The following PCDHA10 variants were observed in gnomAD, a reference collection of about 807,000 sequenced individuals.
PCDHA10 encodes protocadherin alpha-10.
A neutral mutation model predicts 61.2 loss-of-function variants in PCDHA10; 45 were observed. The ratio of observed to expected loss-of-function variants is 0.74; its 90% confidence interval spans 0.58 to 0.94. PCDHA10 has a LOEUF of 0.94. PCDHA10 is among the 40% of genes least tolerant of loss of function. The pLI, the probability that PCDHA10 is intolerant of heterozygous loss-of-function variation, is 0.00. For missense variants in PCDHA10, 1,278 were observed against 1,236.2 expected, an observed-to-expected ratio of 1.03 and a Z score of -0.51; for synonymous variants, 602 against 548.8, an observed-to-expected ratio of 1.10 and a Z score of -1.35.
chr5:140,869,485 G>T (rs782005031), intron 1 of PCDHA10: 8 of 1,614,158 alleles, frequency 5.0e-6, no homozygotes, highest in Non-Finnish European at 6.8e-6. Flanking sequence ...GGACATTAAC[G>T]ACAACCCGCC....
intron 1 of PCDHA10, chr5:140,877,334 C>G (rs375199455): frequency 3.1e-6 from 5 of 1,613,884 alleles, no homozygotes; most frequent in African/African-American, 1.3e-5. Flanking sequence ...GCGCACATCC[C>G]GTTCCACGTG....
At chr5:140,869,558 T>A in intron 1 of PCDHA10, 1 of 1,614,200 alleles carries the variant, frequency 6.2e-7, no homozygotes, top group Non-Finnish European at 8.5e-7. Flanking sequence ...GACTCGCGTT[T>A]TCCACTAGAG....
intron 1 of PCDHA10, among the ~76,000 whole-genome samples, chr5:140,908,808 A>C (rs781863210): frequency 6.6e-6 from 1 of 152,068 alleles, no homozygotes; most frequent in Non-Finnish European, 1.5e-5. Flanking sequence ...AAAAAGTGAG[A>C]GCCTTTTGGG....
chr5:140,865,866 C>G (rs1004604196), intron 1 of PCDHA10: 1 of 152,128 alleles, frequency 6.6e-6, no homozygotes, highest in Non-Finnish European at 1.5e-5. Context: ...AACATGGTCT[C>G]GGCTAGGAAA....
chr5:140,972,958 G>C (rs918792607), intron 1 of PCDHA10, among the ~76,000 whole-genome samples: 1 of 152,038 alleles, frequency 6.6e-6, no homozygotes, highest in African/African-American at 2.4e-5. Context: ...CACCATGCCC[G>C]GCAAAGGAAA....
chr5:140,955,832 G>A (rs2095230258), intron 1 of PCDHA10, among the ~76,000 whole-genome samples: 1 of 152,132 alleles, frequency 6.6e-6, no homozygotes, highest in South Asian at 2.1e-4. Flanking sequence ...TTGAGCAGTG[G>A]TTTGTCATTC....
At chr5:140,969,638 G>A (rs1461834971) in intron 1 of PCDHA10, 1 of 210,658 alleles carries the variant, frequency 4.7e-6, no homozygotes, top group African/African-American at 2.4e-5. Context: ...ACAGGCCTTG[G>A]AATAGGGATT....
At chr5:140,979,052 G>T (rs2096833352) in intron 2 of PCDHA10, 45 bp downstream of exon 2, 1 of 1,609,668 alleles carries the variant, frequency 6.2e-7, no homozygotes, top group Non-Finnish European at 8.5e-7. Context: ...CCTTAACTTG[G>T]TATGGCTCAG....
intron 3 of PCDHA10, among the ~76,000 whole-genome samples, chr5:140,992,399 A>G (rs1276372325): frequency 1.3e-5 from 2 of 152,138 alleles, no homozygotes; most frequent in Admixed American, 6.6e-5. Context: ...ACTTAGAGAT[A>G]TTGTTCTGCC....
chr5:140,877,215 A>T, intron 1 of PCDHA10: 1 of 1,613,722 alleles, frequency 6.2e-7, no homozygotes, highest in Non-Finnish European at 8.5e-7. Context: ...GCGAGTTGGT[A>T]CCGCGGTCGG....
intron 1 of PCDHA10, among the ~76,000 whole-genome samples, chr5:140,895,002 A>C (rs1003440406): frequency 6.6e-6 from 1 of 152,030 alleles, no homozygotes; most frequent in Non-Finnish European, 1.5e-5. Flanking sequence ...TACCCTTTTT[A>C]CTTGGACCTT....
At chr5:140,890,688 T>C (rs570229410) in intron 1 of PCDHA10, among the ~76,000 whole-genome samples, 4 of 152,334 alleles carry the variant, frequency 2.6e-5, no homozygotes, top group Admixed American at 2.6e-4. Flanking sequence ...TTCTGGGAAA[T>C]GCAGGGACCT....
chr5:140,979,033 C>T, intron 2 of PCDHA10, 26 bp downstream of exon 2: 1 of 1,613,044 alleles, frequency 6.2e-7, no homozygotes, highest in Non-Finnish European at 8.5e-7. Flanking sequence ...CTCATTCACT[C>T]AGAAGTAACC....
chr5:140,993,265 C>A (rs1196226593), intron 3 of PCDHA10, among the ~76,000 whole-genome samples: 1 of 152,062 alleles, frequency 6.6e-6, no homozygotes, highest in Non-Finnish European at 1.5e-5. Flanking sequence ...AAATTAGCTT[C>A]TTTGGTCTTT....
At position 140,886,849 on chromosome 5, in the gene PCDHA10, A is replaced by G. The variant is rs541841964; in HGVS notation, c.2388+28413A>G. ...CTTGAAAAAAAAAAAAAAAAAAAAG[A>G]AAGGTCTTCCCAACTCCTATATTGA... On this transcript the variant is annotated intron_variant, in intron 1 of 3. Coordinates refer to ENST00000307360, the MANE Select transcript of PCDHA10 (RefSeq NM_018901.4). Among the ~76,000 whole-genome samples, 4 of 150,006 alleles carry G rather than the reference A, an allele frequency of 2.7e-5. No homozygotes were observed. The East Asian group carries it at 7.8e-4, about 29-fold the overall frequency.
chr5:140,943,620 A>G (rs1285848217), intron 1 of PCDHA10, among the ~76,000 whole-genome samples: 1 of 152,200 alleles, frequency 6.6e-6, no homozygotes, highest in Non-Finnish European at 1.5e-5. Context: ...ATTCATCTGC[A>G]TAAGGAAGCT....
chr5:140,872,320 A>G (rs1409087290), intron 1 of PCDHA10, among the ~76,000 whole-genome samples: 1 of 152,166 alleles, frequency 6.6e-6, no homozygotes, highest in Admixed American at 6.5e-5. Context: ...TATGGAAATA[A>G]TATGACTAAA....
intron 1 of PCDHA10, chr5:140,928,753 G>A (rs782483181): frequency 1.2e-6 from 2 of 1,614,142 alleles, no homozygotes; most frequent in Non-Finnish European, 8.5e-7. Flanking sequence ...GCTCCGTACT[G>A]CTCGCTTAGT....
Position 141,010,389 on chromosome 5 carries a change from G to A in PCDHA10, c.*452G>A. The A allele has an allele frequency of 1.4e-6, 2 of 1,400,314 alleles. No individual in the cohort carries two copies. Among genetic ancestry groups the A allele is most frequent in the Non-Finnish European group, 1.9e-6 (2 of 1,052,510 alleles). The allele number at this position is 1,400,314 out of a possible 1,614,324, so 86.7% of individuals were successfully genotyped here. ...TATGCGAGTGCCAGATATTGGCTGA[G>A]ACGAGCCAGCTTAGACTAATTGGTA... On this transcript the variant is annotated 3_prime_UTR_variant, in exon 4 of 4. Coordinates refer to ENST00000307360, the MANE Select transcript of PCDHA10 (RefSeq NM_018901.4).
Sources: gnomAD v4.1 joint callset for allele counts (sites outside exome capture counted in the v4.1 genomes callset) on GRCh38, gnomAD v4.1.1 for gene constraint, MANE v1.5 for transcripts, NCBI Gene and HGNC (gene_info 2026-07-23, HGNC 2026-07-21) for gene names.